The following CBLC variants were observed in gnomAD, a reference collection of about 807,000 sequenced individuals.
The protein encoded by CBLC is E3 ubiquitin-protein ligase CBL-C.
A neutral mutation model predicts 58.6 loss-of-function variants in CBLC; 46 were observed. That is an observed-to-expected ratio of 0.79 (90% CI 0.62 to 1.00). The LOEUF (loss-of-function observed/expected upper bound fraction) is 1.00, where lower values mean the gene tolerates loss of function less well. CBLC is among the 50% of genes least tolerant of loss of function. The pLI, the probability that CBLC is intolerant of heterozygous loss-of-function variation, is 0.00. For synonymous variants in CBLC, 271 were observed against 264.2 expected (o/e 1.03, Z -0.25); for missense variants, 655 against 625.8 (o/e 1.05, Z -0.50).
intron 5 of CBLC, among the ~76,000 whole-genome samples, chr19:44,784,971 T>TTG (rs1568558744): frequency 1.2e-4 from 15 of 125,764 alleles, no homozygotes; most frequent in African/African-American, 4.5e-4. Context: ...TTTTTTTTTT[T>TTG]TTTTTTTTTT....
chr19:44,798,959 T>G (rs1968233071), intron 9 of CBLC, among the ~76,000 whole-genome samples: 1 of 152,176 alleles, frequency 6.6e-6, no homozygotes, highest in Non-Finnish European at 1.5e-5. Context: ...GTCTGGATCC[T>G]TCTTGCACTC....
At position 44,784,275 on chromosome 19, in the gene CBLC, G is replaced by T; in HGVS notation, c.791G>T (p.Arg264Leu). The T allele has an allele frequency of 6.4e-7, 1 of 1,566,660 alleles. No homozygotes were observed. The highest frequency in any genetic ancestry group is 8.7e-7 in the Non-Finnish European group (1 of 1,142,910). ...CRDKPGSYIF[R>L]PSCTRLGQWA... Reference sequence around the variant, plus strand: ...ACCTCTCCCTCCAGTTACATCTTCCGGCCCAGCTGTACTCGCCTGGGGCAG... The same window carrying T: ...ACCTCTCCCTCCAGTTACATCTTCCTGCCCAGCTGTACTCGCCTGGGGCAG... Residue 264 changes from arginine (R) to leucine (L), a missense_variant, in exon 5 of 11, where the codon CGG becomes CTG. Arg to Leu is a moderately radical substitution (Grantham distance 102, BLOSUM62 -2). This residue lies in a region of CBLC where 371 missense variants were observed against 370.8 expected (regional missense o/e 1.00). Coordinates refer to ENST00000647358, the MANE Select transcript of CBLC (RefSeq NM_012116.4).
chr19:44,794,275 G>A lies in CBLC; in HGVS notation c.1356G>A (p.Pro452=), dbSNP rs148527231. 39 of 1,612,798 alleles carry A rather than the reference G, an allele frequency of 2.4e-5. No homozygotes were observed. The highest frequency in any genetic ancestry group is 2.3e-4 in the South Asian group (21 of 90,960). ...LPPRKPRNAQ[P]KVRLLKGNSP... is the part of the protein sequence containing the mutation. The stretch of plus-strand genomic sequence containing the variant: ...CCAGGAAGCCCAGAAATGCCCAGCC[G>A]AAAGTGGTGAGTCAGGCGCTGGTCT... Residue 452 remains proline (P), a synonymous_variant, in exon 9 of 11, where the codon CCG becomes CCA. Transcript: ENST00000647358.
chr19:44,781,760 T>C (rs1967749306), intron 3 of CBLC, among the ~76,000 whole-genome samples: 1 of 107,870 alleles, frequency 9.3e-6, no homozygotes, highest in Non-Finnish European at 1.8e-5. Context: ...GGGCCTGGAC[T>C]CCTGGGTCTG....
chr19:44,784,966 T>TG (rs1434548703), intron 5 of CBLC, among the ~76,000 whole-genome samples: 36 of 111,744 alleles, frequency 3.2e-4, no homozygotes, highest in Non-Finnish European at 5.5e-4. Context: ...TTTTTTTTTT[T>TG]TTTTTTTTTT....
intron 5 of CBLC, among the ~76,000 whole-genome samples, chr19:44,785,521 TAGTC>T: frequency 7.3e-6 from 1 of 137,584 alleles, no homozygotes. Flanking sequence ...GCTAGCTAGA[TAGTC>T]AGATAGGTAG....
intron 9 of CBLC, among the ~76,000 whole-genome samples, chr19:44,796,730 C>G (rs959185345): frequency 6.6e-6 from 1 of 152,128 alleles, no homozygotes; most frequent in Non-Finnish European, 1.5e-5. Context: ...TTTCTCCCTA[C>G]GCTGCCACCC....
intron 5 of CBLC, among the ~76,000 whole-genome samples, chr19:44,785,544 A>C (rs867934115): frequency 6.1e-5 from 8 of 130,124 alleles, no homozygotes; most frequent in Non-Finnish European, 1.1e-4. Flanking sequence ...AGATAGATAG[A>C]TAGATAGATA....
At chr19:44,784,972 T>TG (rs1568558745) in intron 5 of CBLC, among the ~76,000 whole-genome samples, 2 of 121,030 alleles carry the variant, frequency 1.7e-5, no homozygotes, top group African/African-American at 6.5e-5. Context: ...TTTTTTTTTT[T>TG]TTTTTTTTTT....
chr19:44,778,161 G>A lies in CBLC; in HGVS notation c.230G>A (p.Gly77Glu). Residue 77 changes from glycine to glutamate, a missense_variant, in exon 1 of 11, where the codon GGG becomes GAG. By Grantham distance (98) the Gly-to-Glu change is moderately conservative (BLOSUM62 -2). This residue lies in a region of CBLC where 280 missense variants were observed against 237.2 expected (regional missense o/e 1.18). Transcript: ENST00000647358. Reference protein sequence around the residue: ...GGGPGGPGGSGDFLLIYLANL... With the variant: ...GGGPGGPGGSEDFLLIYLANL... The stretch of plus-strand genomic sequence containing the variant: ...GGCCCCGGGGGTCCCGGCGGCTCTG[G>A]GGACTTTCTACTCATCTACCTGGCC... 3.2e-6 allele frequency: 5 copies of A among 1,566,776 alleles called. No homozygotes were observed. Among genetic ancestry groups the A allele is most frequent in the Non-Finnish European group, 4.3e-6 (5 of 1,160,682 alleles).
chr19:44,797,105 C>A (rs1048070164), intron 9 of CBLC, among the ~76,000 whole-genome samples: 1 of 152,152 alleles, frequency 6.6e-6, no homozygotes, highest in Middle Eastern at 3.2e-3. Flanking sequence ...TACCCTCCGC[C>A]TCCCCCACCC....
intron 9 of CBLC, among the ~76,000 whole-genome samples, chr19:44,797,574 C>CTTT (rs763685561): frequency 3.8e-5 from 5 of 133,212 alleles, no homozygotes; most frequent in Non-Finnish European, 3.2e-5. Flanking sequence ...CCTGGCATTG[C>CTTT]TTTTTTTTTT....
At position 44,784,763 on chromosome 19, in the gene CBLC, G is replaced by A. The variant is rs117091619; in HGVS notation, c.917+362G>A. On this transcript the variant is annotated intron_variant, in intron 5 of 10. Transcript: ENST00000647358. ...TTTTTAAAAAATGAGATGGGGTTTC[G>A]CCATGCTGCCCAGGCTGGTCTGGAG... is the stretch of plus-strand genomic sequence containing the variant. Among the ~76,000 whole-genome samples, 176 of 151,880 alleles carry A rather than the reference G, an allele frequency of 1.2e-3. 3 individuals are homozygous for A. The East Asian group carries it at 0.033, about 28-fold the overall frequency.
In CBLC at chr19:44,790,084, T is replaced by A; in HGVS notation, c.998T>A (p.Val333Glu). ...GCAGAACCCCAGCAGCGCATCCACG[T>A]GTCAGAGGTGAGACCCGCACCTGCA... ...GQAEPQQRIH[V>E]SEEQLQLYWA... Residue 333 changes from valine (V) to glutamate (E), a missense_variant, in exon 6 of 11, where the codon GTG (valine) becomes GAG (glutamate). Coordinates refer to ENST00000647358, the MANE Select transcript of CBLC (RefSeq NM_012116.4). 1 of 1,613,568 alleles carries A rather than the reference T, an allele frequency of 6.2e-7. No individual in the cohort carries two copies. Among genetic ancestry groups the A allele is most frequent in the Non-Finnish European group, 8.5e-7 (1 of 1,179,550 alleles).
chr19:44,785,842 G>A (rs911836310), intron 5 of CBLC, among the ~76,000 whole-genome samples: 1 of 151,920 alleles, frequency 6.6e-6, no homozygotes, highest in Non-Finnish European at 1.5e-5. Flanking sequence ...AGAGGCAGAG[G>A]CAGAATTGCT....
At chr19:44,778,371 G>T in intron 1 of CBLC, 87 bp downstream of exon 1, 1 of 1,264,576 alleles carries the variant, frequency 7.9e-7, no homozygotes, top group Non-Finnish European at 1.0e-6. Flanking sequence ...AGGAACTTAG[G>T]CCCCCACCCC....
chr19:44,783,778 G>A (rs1264992238), intron 4 of CBLC, among the ~76,000 whole-genome samples: 2 of 152,174 alleles, frequency 1.3e-5, no homozygotes, highest in African/African-American at 4.8e-5. Flanking sequence ...ATCAGTTCCT[G>A]TTCATCCCCT....
chr19:44,796,660 C>T (rs953568331), intron 9 of CBLC, among the ~76,000 whole-genome samples: 7 of 152,224 alleles, frequency 4.6e-5, no homozygotes, highest in African/African-American at 1.7e-4. Context: ...GCTGGGATTA[C>T]AGGGGTGAGC....
At chr19:44,792,218 T>G (rs1968070519) in intron 6 of CBLC, among the ~76,000 whole-genome samples, 165 bp from the exon 7 acceptor site, 1 of 151,972 alleles carries the variant, frequency 6.6e-6, no homozygotes, top group Admixed American at 6.6e-5. Flanking sequence ...GGTCTCGAAC[T>G]CCTGACCTCA....
Sources: gnomAD v4.1 joint callset for allele counts (sites outside exome capture counted in the v4.1 genomes callset) on GRCh38, gnomAD v4.1.1 for gene constraint, gnomAD v4.1.1 regional missense constraint, MANE v1.5 for transcripts, NCBI Gene and HGNC (gene_info 2026-07-23, HGNC 2026-07-21) for gene names.